DENND5A: variants seen among roughly 807,000 people sequenced by gnomAD.
DENND5A encodes the protein DENN domain containing 5A.
In DENND5A, 64 loss-of-function variants were observed where a neutral mutation model predicts 140.3. That is an observed-to-expected ratio of 0.46 (90% CI 0.37 to 0.56). The LOEUF (loss-of-function observed/expected upper bound fraction) is 0.56, where lower values mean the gene tolerates loss of function less well. DENND5A is among the 20% of genes least tolerant of loss of function. The probability of loss-of-function intolerance (pLI) is 0.00; values close to 1 mark genes in which losing one functional copy is unlikely to be tolerated. For missense variants in DENND5A, 1,292 were observed against 1,593.8 expected (o/e 0.81, Z 3.22); for synonymous variants, 605 against 607.7 (o/e 1.00, Z 0.07).
intron 22 of DENND5A, among the ~76,000 whole-genome samples, chr11:9,141,266 T>A (rs1327918450): frequency 6.6e-6 from 1 of 152,224 alleles, no homozygotes; most frequent in Non-Finnish European, 1.5e-5. Context: ...TCCCCAGTGG[T>A]GTGATTTTGA....
At chr11:9,252,076 G>T (rs1851747573) in intron 1 of DENND5A, among the ~76,000 whole-genome samples, 1 of 151,298 alleles carries the variant, frequency 6.6e-6, no homozygotes, top group Non-Finnish European at 1.5e-5. Flanking sequence ...GAGGCGGGCG[G>T]ATCACGAGGT....
At chr11:9,261,993 CCTTT>C (rs569178327) in intron 1 of DENND5A, among the ~76,000 whole-genome samples, 47 of 152,180 alleles carry the variant, frequency 3.1e-4, no homozygotes, top group African/African-American at 1.0e-3. Flanking sequence ...AACTCATCCC[CCTTT>C]CTTTATTATC....
At chr11:9,213,523 G>A (rs1377700592) in intron 1 of DENND5A, among the ~76,000 whole-genome samples, 1 of 151,026 alleles carries the variant, frequency 6.6e-6, no homozygotes, top group East Asian at 1.9e-4. Context: ...AAACTATACT[G>A]TGGGCAGGGT....
intron 14 of DENND5A, 115 bp from the exon 15 acceptor site, chr11:9,150,324 G>C (rs1847574072): frequency 7.8e-7 from 1 of 1,285,964 alleles, no homozygotes; most frequent in Admixed American, 2.2e-5. Context: ...CTCACCCTGG[G>C]AGAGCCTATC....
chr11:9,157,537 T>C (rs920733515), intron 12 of DENND5A, among the ~76,000 whole-genome samples: 8 of 152,144 alleles, frequency 5.3e-5, no homozygotes, highest in African/African-American at 1.7e-4. Flanking sequence ...TTTGTGTCCA[T>C]GGGTATTCAA....
chr11:9,261,944 T>C (rs1421038361), intron 1 of DENND5A, among the ~76,000 whole-genome samples: 1 of 152,030 alleles, frequency 6.6e-6, no homozygotes, highest in Non-Finnish European at 1.5e-5. Context: ...ACCACATTTT[T>C]AAAAAAACAG....
Position 9,204,131 on chromosome 11 carries a change from CA to C in DENND5A, c.477del (p.Glu160SerfsTer26). 1 of 1,614,186 alleles carries C rather than the reference CA, an allele frequency of 6.2e-7. No homozygotes were observed. The highest frequency in any genetic ancestry group is 8.5e-7 in the Non-Finnish European group (1 of 1,180,036). ...AMQTLYHMHN[A>X]EYDVLHAPPA... ...GGGGGAGCATGTAGGACATCATACTCAGCATTGTGCATGTGGTAGAGGGTCT... is the reference window on the plus strand; with the variant it reads ...GGGGGAGCATGTAGGACATCATACTCGCATTGTGCATGTGGTAGAGGGTCT... On this transcript the variant is annotated frameshift_variant, in exon 4 of 23. Transcript: ENST00000328194. LOFTEE classifies it high-confidence loss of function.
chr11:9,179,004 T>C lies in DENND5A; in HGVS notation c.1525A>G (p.Ile509Val). 1.9e-6 allele frequency: 3 copies of C among 1,614,176 alleles called. No individual in the cohort carries two copies. The highest frequency in any genetic ancestry group is 2.2e-5 in the East Asian group (1 of 44,868). The change falls in exon 7 of 23, where the codon ATT becomes GTT. Residue 509 changes from isoleucine (I) to valine (V), a missense_variant. Around this residue, in one of 4 missense-constraint regions of DENND5A, gnomAD observed 566 missense variants for 650.4 expected, o/e 0.87. Coordinates refer to ENST00000328194, the MANE Select transcript of DENND5A (RefSeq NM_015213.4). ...KVQCDEEELRIYQLNIQIREV... is the reference protein window; with the variant it reads ...KVQCDEEELRVYQLNIQIREV... ...CGGATCTGAATGTTTAGCTGGTAAA[T>C]CCTGAGTTCTTCTTCATCACACTGA...
chr11:9,178,640 G>C (rs762590038), intron 7 of DENND5A, among the ~76,000 whole-genome samples: 8 of 152,098 alleles, frequency 5.3e-5, no homozygotes, highest in Non-Finnish European at 1.0e-4. Context: ...TTTGCCTTAA[G>C]AGATCCCTTT....
intron 11 of DENND5A, among the ~76,000 whole-genome samples, chr11:9,164,390 G>T (rs935206036): frequency 2.0e-5 from 3 of 151,624 alleles, no homozygotes; most frequent in East Asian, 1.9e-4. Context: ...TTCTGCAAGA[G>T]ACAGCATATT....
At chr11:9,264,922 C>A (rs561482492) in intron 1 of DENND5A, 39 bp downstream of exon 1, 2 of 1,474,956 alleles carry the variant, frequency 1.4e-6, no homozygotes, top group Non-Finnish European at 9.2e-7. Context: ...CCGACGACAG[C>A]GGGCGCGGGA....
At chr11:9,227,124 C>T (rs188475692) in intron 1 of DENND5A, among the ~76,000 whole-genome samples, 73 of 151,818 alleles carry the variant, frequency 4.8e-4, no homozygotes, top group African/African-American at 1.4e-3. Flanking sequence ...GGTGAGATCA[C>T]GCCATTGTAC....
At chr11:9,164,079 T>TTTTTTTTTTTTTTGTTTTTTTTTG (rs1848095438) in intron 11 of DENND5A, among the ~76,000 whole-genome samples, 1 of 121,446 alleles carries the variant, frequency 8.2e-6, no homozygotes, top group African/African-American at 3.1e-5. Flanking sequence ...TTTTTTTTTT[T>TTTTTTTTTTTTTTGTTTTTTTTTG]TTTTTTTTTT....
At chr11:9,199,742 T>C (rs1849462902) in intron 4 of DENND5A, among the ~76,000 whole-genome samples, 1 of 152,198 alleles carries the variant, frequency 6.6e-6, no homozygotes, top group African/African-American at 2.4e-5. Flanking sequence ...GGGCAGGACA[T>C]GCAGCAGGCA....
At chr11:9,169,443 T>C (rs2136155445) in intron 10 of DENND5A, among the ~76,000 whole-genome samples, 1 of 151,738 alleles carries the variant, frequency 6.6e-6, no homozygotes, top group South Asian at 2.1e-4. Flanking sequence ...CGAGACTCTG[T>C]CTCAAACAAA....
chr11:9,204,595 G>C (rs2136212996), intron 3 of DENND5A, among the ~76,000 whole-genome samples: 1 of 152,314 alleles, frequency 6.6e-6, no homozygotes, highest in South Asian at 2.1e-4. Flanking sequence ...AGGTGCAGTG[G>C]CTCACACCTG....
chr11:9,147,501 G>A (rs1162262643), intron 15 of DENND5A, among the ~76,000 whole-genome samples: 1 of 152,228 alleles, frequency 6.6e-6, no homozygotes, highest in African/African-American at 2.4e-5. Context: ...TAGCTAGGCT[G>A]TCAGCTAGTG....
chr11:9,239,513 G>A (rs1413921066), intron 1 of DENND5A, among the ~76,000 whole-genome samples: 1 of 150,200 alleles, frequency 6.7e-6, no homozygotes, highest in African/African-American at 2.5e-5. Flanking sequence ...TTTATTTTTT[G>A]TAGAGACAAG....
intron 1 of DENND5A, among the ~76,000 whole-genome samples, chr11:9,217,969 A>C (rs11042226): frequency 6.6e-6 from 1 of 152,256 alleles, no homozygotes; most frequent in African/African-American, 2.4e-5. Context: ...AAGAATATTC[A>C]GAAAATAAAA....
Sources: allele counts gnomAD v4.1 joint callset (sites outside exome capture counted in the v4.1 genomes callset), GRCh38; gene constraint gnomAD v4.1.1; regional missense constraint gnomAD v4.1.1; transcripts MANE v1.5; gene names NCBI Gene and HGNC (gene_info 2026-07-23, HGNC 2026-07-21).